The following PEX5L variants were observed in gnomAD, a reference collection of about 807,000 sequenced individuals.
The protein encoded by PEX5L is peroxisomal biogenesis factor 5 like.
Under a neutral mutation model 84.0 loss-of-function variants are expected in PEX5L, and 30 were observed. The observed-to-expected ratio is 0.36, with a 90% confidence interval of 0.27 to 0.48. The LOEUF is 0.48. PEX5L is among the 20% of genes least tolerant of loss of function. The pLI is 0.99. For missense variants in PEX5L, 533 were observed against 754.6 expected (o/e 0.71, Z 3.44); for synonymous variants, 270 against 283.1 (o/e 0.95, Z 0.46).
In PEX5L at chr3:180,017,474, A is replaced by G. The variant is rs982076972; in HGVS notation, c.21+19105T>C. Among the ~76,000 whole-genome samples, 4 of 152,234 alleles carry G rather than the reference A, an allele frequency of 2.6e-5. No individual in the cohort carries two copies. The East Asian group carries it at 7.7e-4, about 29-fold the overall frequency. On this transcript the variant is annotated intron_variant, in intron 1 of 14. Coordinates refer to ENST00000467460, the MANE Select transcript of PEX5L (RefSeq NM_016559.3). ...GCCATTTTTAATAGAGATTTTAAAA[A>G]CCATTCTATTTGATTGGGGACTATC...
rs570295765 is a variant in PEX5L at position 179,887,069 on chromosome 3, T to C, written c.310+604A>G. Among the ~76,000 whole-genome samples the C allele has an allele frequency of 2.0e-5, 3 of 152,334 alleles. No homozygotes were observed. In the South Asian group the frequency reaches 6.2e-4, roughly 32 times the overall value. On this transcript the variant is annotated intron_variant, in intron 4 of 14. Transcript: ENST00000467460. ...ATCCTGTACTCACTCATTGGATTAA[T>C]ACTTATTGAGTGCCGATTCCTATAT...
At chr3:179,913,264 T>A (rs1387966873) in intron 2 of PEX5L, among the ~76,000 whole-genome samples, 11 of 152,156 alleles carry the variant, frequency 7.2e-5, no homozygotes, top group Non-Finnish European at 1.5e-5. Context: ...TGGAAGGAAG[T>A]TATTTCAAAG....
chr3:180,026,970 A>G (rs1791013207), intron 1 of PEX5L, among the ~76,000 whole-genome samples: 2 of 152,220 alleles, frequency 1.3e-5, no homozygotes, highest in Admixed American at 6.5e-5. Context: ...GAGCCCCGGT[A>G]TGAACGTGTG....
intron 4 of PEX5L, among the ~76,000 whole-genome samples, chr3:179,887,099 C>A (rs949478104): frequency 6.6e-6 from 1 of 152,198 alleles, no homozygotes; most frequent in African/African-American, 2.4e-5. Flanking sequence ...CTATATGTGA[C>A]AGGCACCGAG....
chr3:179,859,490 A>T (rs1745239250), intron 7 of PEX5L, among the ~76,000 whole-genome samples: 1 of 152,204 alleles, frequency 6.6e-6, no homozygotes, highest in Non-Finnish European at 1.5e-5. Flanking sequence ...AGTGATTCTG[A>T]TACGCAGCTA....
intron 1 of PEX5L, among the ~76,000 whole-genome samples, chr3:179,974,585 C>T (rs972405301): frequency 2.0e-5 from 3 of 152,208 alleles, no homozygotes; most frequent in East Asian, 1.9e-4. Context: ...CTCAGGATAA[C>T]GTGTCCAACT....
chr3:179,800,761 ATGT>A lies in PEX5L; in HGVS notation c.*1064_*1066del, dbSNP rs993440733. Reference sequence around the variant, plus strand: ...AAGAAAACATAATTTTTAGGAAAAAATGTTATTTATCACTCTTAAGAAATATTA... The same window carrying A: ...AAGAAAACATAATTTTTAGGAAAAAATATTTATCACTCTTAAGAAATATTA... On this transcript the variant is annotated 3_prime_UTR_variant, in exon 15 of 15. Transcript: ENST00000467460. 12 of 152,218 alleles carry A rather than the reference ATGT, an allele frequency of 7.9e-5. No individual in the cohort carries two copies. The highest frequency in any genetic ancestry group is 5.2e-4 in the Admixed American group (8 of 15,280). 9.4% of individuals were successfully genotyped at this position (152,218 alleles called of 1,614,324 possible).
intron 1 of PEX5L, among the ~76,000 whole-genome samples, chr3:180,000,471 T>A (rs529850548): frequency 2.8e-4 from 43 of 152,168 alleles, no homozygotes; most frequent in Non-Finnish European, 5.7e-4. Context: ...CCTTTAGGAA[T>A]GAAGGTTTGG....
chr3:180,012,221 A>C (rs1207226331), intron 1 of PEX5L, among the ~76,000 whole-genome samples: 1 of 152,120 alleles, frequency 6.6e-6, no homozygotes, highest in Admixed American at 6.6e-5. Context: ...ACAGTGAAGA[A>C]CAGGGTTCCT....
At chr3:180,004,694 A>T (rs1477448129) in intron 1 of PEX5L, among the ~76,000 whole-genome samples, 1 of 152,132 alleles carries the variant, frequency 6.6e-6, no homozygotes. Flanking sequence ...TCCACCCAAG[A>T]TATACTGAAG....
chr3:179,899,261 C>A (rs1055552547), intron 2 of PEX5L, among the ~76,000 whole-genome samples: 2 of 151,976 alleles, frequency 1.3e-5, no homozygotes, highest in East Asian at 3.8e-4. Flanking sequence ...TTAAATAATC[C>A]TTAAATACTT....
At chr3:179,842,825 C>G (rs771497941) in intron 8 of PEX5L, among the ~76,000 whole-genome samples, 94 of 152,078 alleles carry the variant, frequency 6.2e-4, no homozygotes, top group Non-Finnish European at 1.1e-3. Context: ...AAAACATACT[C>G]TGGGCAATAT....
intron 2 of PEX5L, among the ~76,000 whole-genome samples, chr3:179,969,903 TTC>T: frequency 6.6e-6 from 1 of 152,274 alleles, no homozygotes; most frequent in Non-Finnish European, 1.5e-5. Context: ...CTCTTATTTT[TTC>T]TCTTTTTTCT....
intron 1 of PEX5L, among the ~76,000 whole-genome samples, chr3:179,981,126 G>C (rs1786287893): frequency 6.6e-6 from 1 of 152,064 alleles, no homozygotes; most frequent in South Asian, 2.1e-4. Flanking sequence ...TGCCTTGCTT[G>C]ATATAAAAAT....
chr3:179,824,096 A>G (rs2109009017), intron 8 of PEX5L, among the ~76,000 whole-genome samples: 1 of 152,290 alleles, frequency 6.6e-6, no homozygotes, highest in East Asian at 1.9e-4. Flanking sequence ...ATAAGAAAAG[A>G]AGCAATTTAT....
At chr3:179,874,824 G>A (rs932950333) in intron 6 of PEX5L, among the ~76,000 whole-genome samples, 1 of 119,818 alleles carries the variant, frequency 8.3e-6, no homozygotes, top group Non-Finnish European at 1.6e-5. Context: ...TATAGAATTT[G>A]CAATGTCATG....
chr3:179,991,638 T>C (rs1787385706), intron 1 of PEX5L, among the ~76,000 whole-genome samples: 1 of 152,196 alleles, frequency 6.6e-6, no homozygotes, highest in Non-Finnish European at 1.5e-5. Context: ...TGCCCTCACA[T>C]TGATTTTGCC....
At chr3:179,880,324 A>C (rs1421918554) in intron 4 of PEX5L, among the ~76,000 whole-genome samples, 2 of 152,196 alleles carry the variant, frequency 1.3e-5, no homozygotes, top group African/African-American at 4.8e-5. Flanking sequence ...GTATGGCACA[A>C]ATTGGTAAGA....
In PEX5L at chr3:179,961,561, G is replaced by A. The variant is rs1367935284; in HGVS notation, c.93+10033C>T. Reference sequence around the variant, plus strand: ...GACAAGGTCGGGGCAATGGCAGAGCGTGGGCATCTCAGTCCAAAGTCGAAG... The same window carrying A: ...GACAAGGTCGGGGCAATGGCAGAGCATGGGCATCTCAGTCCAAAGTCGAAG... On this transcript the variant is annotated intron_variant, in intron 2 of 14. Coordinates refer to ENST00000467460, the MANE Select transcript of PEX5L (RefSeq NM_016559.3). Among the ~76,000 whole-genome samples the A allele has an allele frequency of 4.6e-5, 7 of 152,094 alleles. No homozygotes were observed. The East Asian group carries it at 1.2e-3, about 25-fold the overall frequency.
Sources: allele counts gnomAD v4.1 joint callset (sites outside exome capture counted in the v4.1 genomes callset), GRCh38; gene constraint gnomAD v4.1.1; transcripts MANE v1.5; gene names NCBI Gene and HGNC (gene_info 2026-07-23, HGNC 2026-07-21).